LMBRD1: variants seen among roughly 807,000 people sequenced by gnomAD.
LMBRD1 encodes the protein lysosomal cobalamin transport escort protein LMBD1.
LMBRD1 carries 64 observed loss-of-function variants against 74.8 expected under a neutral mutation model. That is an observed-to-expected ratio of 0.86 (90% CI 0.70 to 1.05). The LOEUF (loss-of-function observed/expected upper bound fraction) is 1.05, where lower values mean the gene tolerates loss of function less well. LMBRD1 is among the 50% of genes least tolerant of loss of function. LMBRD1 has a pLI of 0.00. For missense variants in LMBRD1, 652 were observed against 645.9 expected (o/e 1.01, Z -0.10); for synonymous variants, 204 against 216.3 (o/e 0.94, Z 0.50).
At chr6:69,727,609 G>T (rs1033316792) in intron 7 of LMBRD1, among the ~76,000 whole-genome samples, 2 of 152,118 alleles carry the variant, frequency 1.3e-5, no homozygotes, top group Admixed American at 1.3e-4. Context: ...CACAATTTGG[G>T]TGATGGCTAC....
intron 5 of LMBRD1, among the ~76,000 whole-genome samples, chr6:69,743,925 A>C (rs1767161883): frequency 2.0e-5 from 3 of 152,154 alleles, no homozygotes; most frequent in Admixed American, 6.5e-5. Context: ...AGAAGGAATA[A>C]ACCACTGTTC....
chr6:69,774,979 A>AAGGC (rs1765661810), intron 3 of LMBRD1, among the ~76,000 whole-genome samples: 1 of 40,418 alleles, frequency 2.5e-5, no homozygotes, highest in East Asian at 5.5e-4. Context: ...GGAAGGAAGG[A>AAGGC]AGGAAGGAAG....
rs2149856415 is a variant in LMBRD1 at position 69,718,999 on chromosome 6, T to C, written c.719A>G (p.Asp240Gly). 2.5e-6 allele frequency: 4 copies of C among 1,613,436 alleles called. No homozygotes were observed. Among genetic ancestry groups the C allele is most frequent in the Non-Finnish European group, 3.4e-6 (4 of 1,179,550 alleles). ...AATGTGTTGTTCTACTTCTTCAATGTCTTCAGTGTTTTCCAAACGTTCATA... is the reference window on the plus strand; with the variant it reads ...AATGTGTTGTTCTACTTCTTCAATGCCTTCAGTGTTTTCCAAACGTTCATA... ...AAYERLENTEDIEEVEQHIQT... is the reference protein window; with the variant it reads ...AAYERLENTEGIEEVEQHIQT... Residue 240 changes from aspartate to glycine, a missense_variant, in exon 8 of 16, where the codon GAC (aspartate) becomes GGC (glycine). Asp to Gly is a moderately conservative substitution (Grantham distance 94, BLOSUM62 -1). Around this residue, in one of 3 missense-constraint regions of LMBRD1, gnomAD observed 598 missense variants for 581.8 expected, o/e 1.03. Transcript: ENST00000649934.
At chr6:69,778,788 A>G (rs1276374955) in intron 3 of LMBRD1, among the ~76,000 whole-genome samples, 2 of 152,192 alleles carry the variant, frequency 1.3e-5, no homozygotes, top group Non-Finnish European at 2.9e-5. Flanking sequence ...AATAAATTAT[A>G]TTTTGAAATT....
chr6:69,701,969 TATTC>T lies in LMBRD1; in HGVS notation c.916-20_916-17del. On this transcript the variant is annotated splice_polypyrimidine_tract_variant and intron_variant, in intron 9 of 15. Coordinates refer to ENST00000649934, the MANE Select transcript of LMBRD1 (RefSeq NM_018368.4). ...CCCAGACGATCTAAAAGCAAAAATATATTCATTAAAATATAGTTCTAAAAGTTGA... is the reference window on the plus strand; with the variant it reads ...CCCAGACGATCTAAAAGCAAAAATATATTAAAATATAGTTCTAAAAGTTGA... The T allele has an allele frequency of 1.3e-6, 2 of 1,489,806 alleles. No individual in the cohort carries two copies. The highest frequency in any genetic ancestry group is 1.4e-5 in the African/African-American group (1 of 72,396). 92.3% of individuals were successfully genotyped at this position (1,489,806 alleles called of 1,614,324 possible).
In LMBRD1 at chr6:69,796,793, A is replaced by ACTC; in HGVS notation, c.69+17_69+19dup. 6.2e-7 allele frequency: 1 copy of ACTC among 1,610,438 alleles called. No individual in the cohort carries two copies. Among genetic ancestry groups the ACTC allele is most frequent in the Non-Finnish European group, 8.5e-7 (1 of 1,178,390 alleles). On this transcript the variant is annotated intron_variant, in intron 1 of 15. Transcript: ENST00000649934. ...CTCCCCCAGTCCAAACATGGGGAAA[A>ACTC]CTCCAAGCGCCTCCCCTACCAGTAG...
intron 14 of LMBRD1, among the ~76,000 whole-genome samples, chr6:69,684,970 A>G (rs1765732956): frequency 6.6e-6 from 1 of 152,168 alleles, no homozygotes. Flanking sequence ...CAATTCTACA[A>G]ATGTTTAAGG....
chr6:69,731,316 C>T (rs1766853280), intron 7 of LMBRD1, among the ~76,000 whole-genome samples: 1 of 152,028 alleles, frequency 6.6e-6, no homozygotes, highest in African/African-American at 2.4e-5. Context: ...GAGAATAATT[C>T]AGATATTCCT....
intron 14 of LMBRD1, among the ~76,000 whole-genome samples, chr6:69,693,314 G>A (rs1344765035): frequency 6.6e-6 from 1 of 151,964 alleles, no homozygotes; most frequent in Non-Finnish European, 1.5e-5. Flanking sequence ...TTAGACAAAT[G>A]ACTCATTTGA....
At chr6:69,747,704 G>A (rs538094812) in intron 5 of LMBRD1, among the ~76,000 whole-genome samples, 1 of 152,272 alleles carries the variant, frequency 6.6e-6, no homozygotes, top group Non-Finnish European at 1.5e-5. Context: ...CTAGAGGACA[G>A]AGACCATGGT....
intron 14 of LMBRD1, among the ~76,000 whole-genome samples, chr6:69,687,476 A>G (rs1765789051): frequency 6.6e-6 from 1 of 152,218 alleles, no homozygotes; most frequent in African/African-American, 2.4e-5. Context: ...AGCACAGAGC[A>G]GACATCAACA....
rs1765837589 is a variant in LMBRD1, at chr6:69,689,720, ATAT to A, written c.1417+7840_1417+7842del. On this transcript the variant is annotated intron_variant, in intron 14 of 15. Coordinates refer to ENST00000649934, the MANE Select transcript of LMBRD1 (RefSeq NM_018368.4). Reference sequence around the variant, plus strand: ...TGCCCCAGAATTGTTTATCAGAGTAATATTATATTGGTGCCAACTCTCCCCATT... The same window carrying A: ...TGCCCCAGAATTGTTTATCAGAGTAATATATTGGTGCCAACTCTCCCCATT... Among the ~76,000 whole-genome samples the A allele has an allele frequency of 2.0e-5, 3 of 152,222 alleles. No individual in the cohort carries two copies. In the South Asian group the frequency reaches 6.2e-4, roughly 32 times the overall value.
At chr6:69,685,079 A>C in intron 14 of LMBRD1, among the ~76,000 whole-genome samples, 1 of 152,170 alleles carries the variant, frequency 6.6e-6, no homozygotes, top group East Asian at 1.9e-4. Context: ...AGAGAGAATA[A>C]GGTAACGTTA....
intron 9 of LMBRD1, among the ~76,000 whole-genome samples, chr6:69,703,519 G>A (rs1766180993): frequency 6.8e-6 from 1 of 148,070 alleles, no homozygotes. Flanking sequence ...AATCTGTAGA[G>A]ATGACTGACC....
At chr6:69,789,365 A>G (rs1397700768) in intron 2 of LMBRD1, among the ~76,000 whole-genome samples, 3 of 151,996 alleles carry the variant, frequency 2.0e-5, no homozygotes, top group South Asian at 2.1e-4. Flanking sequence ...TCTACTAAAA[A>G]TACAAAAAGA....
At chr6:69,704,994 T>C (rs1300899112) in intron 9 of LMBRD1, among the ~76,000 whole-genome samples, 10 of 152,196 alleles carry the variant, frequency 6.6e-5, no homozygotes, top group African/African-American at 2.4e-4. Flanking sequence ...CTGAGTTTTA[T>C]TTCACATGCA....
chr6:69,773,666 A>C (rs1005252605), intron 3 of LMBRD1, among the ~76,000 whole-genome samples: 1 of 152,212 alleles, frequency 6.6e-6, no homozygotes, highest in Non-Finnish European at 1.5e-5. Flanking sequence ...ACAGCAAAAA[A>C]AAATTTTATT....
chr6:69,754,688 C>T (rs181976395), intron 3 of LMBRD1, among the ~76,000 whole-genome samples: 2 of 152,192 alleles, frequency 1.3e-5, no homozygotes, highest in African/African-American at 2.4e-5. Flanking sequence ...ATTTCTATTG[C>T]AAATCTAACA....
At chr6:69,713,111 G>T (rs1437324352) in intron 9 of LMBRD1, among the ~76,000 whole-genome samples, 1 of 151,750 alleles carries the variant, frequency 6.6e-6, no homozygotes, top group Non-Finnish European at 1.5e-5. Context: ...AGAATAGAGA[G>T]CCTAGAAATA....
Sources: allele counts gnomAD v4.1 joint callset (sites outside exome capture counted in the v4.1 genomes callset), GRCh38; gene constraint gnomAD v4.1.1; regional missense constraint gnomAD v4.1.1; transcripts MANE v1.5; gene names NCBI Gene and HGNC (gene_info 2026-07-23, HGNC 2026-07-21).